The following HDAC8 variants were observed in gnomAD, a reference collection of about 807,000 sequenced individuals.
HDAC8 encodes the protein histone deacetylase 8, also known as histone deacetylase-like 1.
A neutral mutation model predicts 32.2 loss-of-function variants in HDAC8; 1 was observed. That is an observed-to-expected ratio of 0.03 (90% confidence interval 0.01 to 0.15). HDAC8 has a LOEUF of 0.15. HDAC8 is among the 10% of genes least tolerant of loss of function. The pLI is 1.00. For missense variants in HDAC8, 117 were observed against 300.0 expected, an observed-to-expected ratio of 0.39 and a Z score of 4.51; for synonymous variants, 108 against 113.9, an observed-to-expected ratio of 0.95 and a Z score of 0.33.
intron 4 of HDAC8, 144 bp downstream of exon 4, chrX:72,567,745 A>G: frequency 1.7e-6 from 2 of 1,210,642 alleles, no homozygotes; most frequent in Non-Finnish European, 2.2e-6. Flanking sequence ...TTTCTATTTC[A>G]CTTGGATTTC....
intron 9 of HDAC8, among the ~76,000 whole-genome samples, chrX:72,431,541 T>C (rs1311045091): frequency 9.0e-6 from 1 of 111,009 alleles, no homozygotes; most frequent in African/African-American, 3.3e-5. Context: ...TTCACTTGAT[T>C]GTGATTTTTT....
At chrX:72,442,956 T>G (rs879172700) in intron 9 of HDAC8, among the ~76,000 whole-genome samples, 1 of 107,732 alleles carries the variant, frequency 9.3e-6, no homozygotes, top group Admixed American at 9.9e-5. Flanking sequence ...TACATAATGG[T>G]AAAGGGATCA....
intron 4 of HDAC8, among the ~76,000 whole-genome samples, chrX:72,559,712 C>A (rs373629116): frequency 9.1e-6 from 1 of 110,236 alleles, no homozygotes; most frequent in African/African-American, 3.3e-5. Flanking sequence ...AGCGCCTCTG[C>A]CCAGCCGGGA....
At chrX:72,567,249 G>GACATC (rs1280259141) in intron 4 of HDAC8, among the ~76,000 whole-genome samples, 1 of 112,270 alleles carries the variant, frequency 8.9e-6, no homozygotes, top group African/African-American at 3.2e-5. Flanking sequence ...GTCTTTGAGA[G>GACATC]ACATCTACCT....
chrX:72,416,627 T>A (rs1168043183), intron 9 of HDAC8, among the ~76,000 whole-genome samples: 1 of 106,563 alleles, frequency 9.4e-6, no homozygotes, highest in African/African-American at 3.4e-5. Flanking sequence ...GGGTTGCAGT[T>A]TAATTATTGA....
At chrX:72,528,931 T>G (rs1556034180) in intron 4 of HDAC8, among the ~76,000 whole-genome samples, 1 of 112,528 alleles carries the variant, frequency 8.9e-6, no homozygotes, top group African/African-American at 3.2e-5. Context: ...TGAATGAAGT[T>G]AATTTAAATT....
intron 4 of HDAC8, among the ~76,000 whole-genome samples, chrX:72,515,396 T>C (rs1260129236): frequency 1.8e-5 from 2 of 110,807 alleles, no homozygotes; most frequent in East Asian, 2.8e-4. Context: ...ATTGTGAATA[T>C]ATACTACATT....
chrX:72,545,832 GC>G (rs1426533004), intron 4 of HDAC8, among the ~76,000 whole-genome samples: 1 of 112,067 alleles, frequency 8.9e-6, no homozygotes, highest in Non-Finnish European at 1.9e-5. Context: ...ACAGAGACAT[GC>G]CCCCCACAGG....
chrX:72,567,787 A>G (rs2051853817), intron 4 of HDAC8, 102 bp downstream of exon 4: 8 of 1,211,418 alleles, frequency 6.6e-6, no homozygotes, highest in Non-Finnish European at 8.9e-6. Context: ...CCACATACAC[A>G]CACGTCTCTC....
chrX:72,519,844 C>T (rs1230846278), intron 4 of HDAC8, among the ~76,000 whole-genome samples: 2 of 111,968 alleles, frequency 1.8e-5, no homozygotes, highest in African/African-American at 6.5e-5. Context: ...TCTGCCTCAG[C>T]CTCCCAAAGT....
At chrX:72,364,268 T>C (rs1365962636) in intron 9 of HDAC8, among the ~76,000 whole-genome samples, 1 of 111,338 alleles carries the variant, frequency 9.0e-6, no homozygotes, top group Admixed American at 9.6e-5. Flanking sequence ...CCCTGGATCC[T>C]CTTCTTTCAT....
At position 72,471,262 on chromosome X, in the gene HDAC8, G is replaced by T. The variant is rs782397723; in HGVS notation, c.738-6531C>A. 7.1e-5 allele frequency among the ~76,000 whole-genome samples: 8 copies of T among 112,288 alleles called. No homozygotes were observed. The East Asian group carries it at 2.2e-3, about 31-fold the overall frequency. On this transcript the variant is annotated intron_variant, in intron 7 of 10. Coordinates refer to ENST00000373573, the MANE Select transcript of HDAC8 (RefSeq NM_018486.3). ...TTGATGTTATTTCCACTTTTTGGCT[G>T]ATATTAATAATGCCACTATAGTATA...
rs1329782282 is a variant in HDAC8 at position 72,445,502 on chromosome X, C to A, written c.1005+16502G>T. Among the ~76,000 whole-genome samples, 4 of 111,939 alleles carry A rather than the reference C, an allele frequency of 3.6e-5. No individual in the cohort carries two copies. In the Admixed American group the frequency reaches 3.8e-4, roughly 11 times the overall value. ...CATATGTAGAAAGCTGAAACTGGAT[C>A]CCTTCCTTACACCTTATACAAAAAT... On this transcript the variant is annotated intron_variant, in intron 9 of 10. Transcript: ENST00000373573.
chrX:72,433,936 T>C (rs782236913), intron 9 of HDAC8, among the ~76,000 whole-genome samples: 47 of 112,601 alleles, frequency 4.2e-4, no homozygotes, highest in Non-Finnish European at 3.8e-5. Context: ...GCACATCGCA[T>C]GTGCTCAATA....
chrX:72,551,266 T>G, intron 4 of HDAC8, among the ~76,000 whole-genome samples: 1 of 112,014 alleles, frequency 8.9e-6, no homozygotes, highest in Middle Eastern at 4.6e-3. Context: ...CTTGAATATT[T>G]TGGCAAAATC....
Position 72,464,737 on chromosome X carries a change from T to C in HDAC8, c.738-6A>G, listed in dbSNP as rs1271635048. The C allele has an allele frequency of 8.5e-7, 1 of 1,181,841 alleles. No homozygotes were observed. The highest frequency in any genetic ancestry group is 1.8e-5 in the African/African-American group (1 of 57,097). ...GGTATACTTCCTTTAGTACACTATA[T>C]AAAATAGAAAGGATACAAAATATAG... On this transcript the variant is annotated splice_polypyrimidine_tract_variant and splice_region_variant and intron_variant, in intron 7 of 10. Coordinates refer to ENST00000373573, the MANE Select transcript of HDAC8 (RefSeq NM_018486.3).
chrX:72,499,438 C>T (rs939585414), intron 4 of HDAC8, among the ~76,000 whole-genome samples: 5 of 111,617 alleles, frequency 4.5e-5, no homozygotes, highest in African/African-American at 1.3e-4. Flanking sequence ...CAAATACACT[C>T]TTGGGACACA....
intron 9 of HDAC8, among the ~76,000 whole-genome samples, chrX:72,437,272 G>A (rs946453972): frequency 5.4e-5 from 6 of 111,812 alleles, no homozygotes. Flanking sequence ...GGGAAGCCAT[G>A]AGGGACTGTG....
At chrX:72,458,623 C>A (rs2047785923) in intron 9 of HDAC8, among the ~76,000 whole-genome samples, 1 of 111,836 alleles carries the variant, frequency 8.9e-6, no homozygotes, top group Non-Finnish European at 1.9e-5. Context: ...GACACTTACT[C>A]AAACACTCAT....
Sources: gnomAD v4.1 joint callset for allele counts (sites outside exome capture counted in the v4.1 genomes callset) on GRCh38, gnomAD v4.1.1 for gene constraint, MANE v1.5 for transcripts, NCBI Gene and HGNC (gene_info 2026-07-23, HGNC 2026-07-21) for gene names.